KCNA2: variants seen among roughly 807,000 people sequenced by gnomAD.
KCNA2 encodes potassium voltage-gated channel subfamily A member 2.
KCNA2 carries 11 observed loss-of-function variants against 33.4 expected under a neutral mutation model. The ratio of observed to expected loss-of-function variants is 0.33; its 90% CI spans 0.21 to 0.55. The LOEUF is 0.55. Ranked by LOEUF, KCNA2 falls within the 20% of genes least tolerant of loss-of-function variation. The pLI is 0.93. For synonymous variants in KCNA2, 222 were observed against 231.3 expected (o/e 0.96, Z 0.37); for missense variants, 291 against 621.6 (o/e 0.47, Z 5.66).
chr1:110,614,693 T>C (rs938519522), intron 1 of KCNA2, among the ~76,000 whole-genome samples: 6 of 152,232 alleles, frequency 3.9e-5, no homozygotes, highest in African/African-American at 1.4e-4. Context: ...CAACTTTACC[T>C]GGCTGAGGAA....
Position 110,598,266 on chromosome 1 carries a change from G to T in KCNA2, c.*5017C>A. ...CAATGGGCCCCAGGAAAGCTCTGGG[G>T]AGCAGAGCTCAGCACCATCATCCCC... On this transcript the variant is annotated 3_prime_UTR_variant, in exon 3 of 3. Coordinates refer to ENST00000316361, the MANE Select transcript of KCNA2 (RefSeq NM_004974.4). 1 of 658,250 alleles carries T rather than the reference G, an allele frequency of 1.5e-6. No homozygotes were observed. The highest frequency in any genetic ancestry group is 1.9e-6 in the Non-Finnish European group (1 of 531,184). The allele number at this position is 658,250 out of a possible 1,614,324, so 40.8% of individuals were successfully genotyped here.
At chr1:110,614,907 A>C (rs952929975) in intron 1 of KCNA2, among the ~76,000 whole-genome samples, 2 of 152,174 alleles carry the variant, frequency 1.3e-5, no homozygotes, top group Admixed American at 1.3e-4. Context: ...ACCCCAACAC[A>C]TGTCACTGCC....
intron 1 of KCNA2, among the ~76,000 whole-genome samples, chr1:110,620,085 A>AGAGT (rs1366651891): frequency 7.1e-6 from 1 of 140,952 alleles, no homozygotes; most frequent in Non-Finnish European, 1.5e-5. Context: ...AGAGAGAGAG[A>AGAGT]GAGTGAGTGA....
chr1:110,624,997 ACTTCTTCCTC>A (rs1464670034), intron 1 of KCNA2, among the ~76,000 whole-genome samples: 1 of 152,206 alleles, frequency 6.6e-6, no homozygotes, highest in Non-Finnish European at 1.5e-5. Flanking sequence ...CATCATCCTG[ACTTCTTCCTC>A]CTTCATTTTT....
rs1287101337 is a variant in KCNA2 at position 110,599,069 on chromosome 1, G to GTTGT, written c.*4210_*4213dup. ...TGGACCCATATGTCCACTCCCTACT[G>GTTGT]TTGTTACCTTTTCTGTAGAGACTGG... On this transcript the variant is annotated 3_prime_UTR_variant, in exon 3 of 3. Transcript: ENST00000316361. 1.0e-5 allele frequency: 10 copies of GTTGT among 985,302 alleles called. No individual in the cohort carries two copies. Among genetic ancestry groups the GTTGT allele is most frequent in the African/African-American group, 1.7e-5 (1 of 57,230 alleles). The allele number at this position is 985,302 out of a possible 1,614,324, so 61.0% of individuals were successfully genotyped here.
In KCNA2 at chr1:110,602,874, G is replaced by A. The variant is rs1649419764; in HGVS notation, c.*409C>T. The A allele has an allele frequency of 2.9e-6, 3 of 1,018,694 alleles. No individual in the cohort carries two copies. Among genetic ancestry groups the A allele is most frequent in the Non-Finnish European group, 2.3e-6 (2 of 852,164 alleles). 63.1% of individuals were successfully genotyped at this position (1,018,694 alleles called of 1,614,324 possible). A position where few individuals can be genotyped will look rare whatever the true frequency, so the allele number is the denominator to read the frequency against. On this transcript the variant is annotated 3_prime_UTR_variant, in exon 3 of 3. Transcript: ENST00000316361. ...AGCTATTTAAAGCTAAGCCATGATTGTGTTCCTCTGTGAAAGGGCAGGTGG... is the reference window on the plus strand; with the variant it reads ...AGCTATTTAAAGCTAAGCCATGATTATGTTCCTCTGTGAAAGGGCAGGTGG...
rs983992289 is a variant in KCNA2 at position 110,594,933 on chromosome 1, T to A, written c.*8350A>T. ...ACATGGAAATTGTTTGGTAGCAAAG[T>A]GCGCCCCTGAATATTCTCTTCCTCC... On this transcript the variant is annotated 3_prime_UTR_variant, in exon 3 of 3. Transcript: ENST00000316361. 2.0e-6 allele frequency: 2 copies of A among 985,470 alleles called. No individual in the cohort carries two copies. The highest frequency in any genetic ancestry group is 2.4e-6 in the Non-Finnish European group (2 of 829,956). The allele number at this position is 985,470 out of a possible 1,614,324, so 61.0% of individuals were successfully genotyped here. A position where few individuals can be genotyped will look rare whatever the true frequency, so the allele number is the denominator to read the frequency against.
intron 1 of KCNA2, among the ~76,000 whole-genome samples, chr1:110,622,767 A>G (rs569556693): frequency 6.6e-6 from 1 of 152,332 alleles, no homozygotes; most frequent in African/African-American, 2.4e-5. Context: ...TTAGGGACAA[A>G]TCTGAGAAAG....
At position 110,599,609 on chromosome 1, in the gene KCNA2, G is replaced by C. The variant is rs1205018014; in HGVS notation, c.*3674C>G. ...ATTTTAAGAGACAGGTCTCTATAGG[G>C]TCTCAACTTCCTGACCGTGCCCCCA... On this transcript the variant is annotated 3_prime_UTR_variant, in exon 3 of 3. Transcript: ENST00000316361. The C allele has an allele frequency of 1.0e-6, 1 of 985,330 alleles. No homozygotes were observed. Among genetic ancestry groups the C allele is most frequent in the Non-Finnish European group, 1.2e-6 (1 of 829,952 alleles). 61.0% of individuals were successfully genotyped at this position (985,330 alleles called of 1,614,324 possible). A position where few individuals can be genotyped will look rare whatever the true frequency, so the allele number is the denominator to read the frequency against.
chr1:110,625,917 G>T (rs1010950118), intron 1 of KCNA2, among the ~76,000 whole-genome samples: 4 of 152,062 alleles, frequency 2.6e-5, no homozygotes, highest in Non-Finnish European at 5.9e-5. Flanking sequence ...TTGACCTATT[G>T]ATTTGGCAAA....
chr1:110,617,335 T>C (rs1650099116), intron 1 of KCNA2, among the ~76,000 whole-genome samples: 1 of 151,972 alleles, frequency 6.6e-6, no homozygotes, highest in South Asian at 2.1e-4. Context: ...CCAGATGGAG[T>C]GCCAGGAGCG....
intron 1 of KCNA2, among the ~76,000 whole-genome samples, chr1:110,623,636 C>G (rs1445439323): frequency 6.6e-6 from 1 of 152,192 alleles, no homozygotes; most frequent in Non-Finnish European, 1.5e-5. Context: ...CTCAAGCAAT[C>G]CTCCCGCTTT....
Position 110,598,095 on chromosome 1 carries a change from T to A in KCNA2, c.*5188A>T. 1 of 983,002 alleles carries A rather than the reference T, an allele frequency of 1.0e-6. No individual in the cohort carries two copies. The highest frequency in any genetic ancestry group is 1.7e-5 in the African/African-American group (1 of 57,328). 60.9% of individuals were successfully genotyped at this position (983,002 alleles called of 1,614,324 possible). A position where few individuals can be genotyped will look rare whatever the true frequency, so the allele number is the denominator to read the frequency against. ...GCGTTGGCTCAGGTGACTGATGATG[T>A]TAATGAGGTTAAGGTCATGAGTTCA... On this transcript the variant is annotated 3_prime_UTR_variant, in exon 3 of 3. Coordinates refer to ENST00000316361, the MANE Select transcript of KCNA2 (RefSeq NM_004974.4).
At chr1:110,616,418 C>A (rs1015917310) in intron 1 of KCNA2, among the ~76,000 whole-genome samples, 1 of 152,168 alleles carries the variant, frequency 6.6e-6, no homozygotes, top group Non-Finnish European at 1.5e-5. Flanking sequence ...TAGGGGGCTG[C>A]GCATCACTTC....
intron 1 of KCNA2, among the ~76,000 whole-genome samples, chr1:110,618,911 C>G (rs188695177): frequency 6.6e-6 from 1 of 152,214 alleles, no homozygotes; most frequent in African/African-American, 2.4e-5. Flanking sequence ...CTCACCTGGG[C>G]TCCTCACAGG....
upstream of KCNA2, among the ~76,000 whole-genome samples, chr1:110,608,411 A>C (rs1649753274): frequency 1.3e-5 from 2 of 152,106 alleles, no homozygotes; most frequent in Non-Finnish European, 2.9e-5. Context: ...CTGGATTCAG[A>C]TGGGCTCTAG....
Position 110,593,682 on chromosome 1 carries a change from C to T in KCNA2, c.*9601G>A. The T allele has an allele frequency of 2.5e-6, 1 of 407,154 alleles. No individual in the cohort carries two copies. The highest frequency in any genetic ancestry group is 2.0e-5 in the African/African-American group (1 of 48,808). The allele number at this position is 407,154 out of a possible 1,614,324, so 25.2% of individuals were successfully genotyped here. A position where few individuals can be genotyped will look rare whatever the true frequency, so the allele number is the denominator to read the frequency against. On this transcript the variant is annotated 3_prime_UTR_variant, in exon 3 of 3. Transcript: ENST00000316361. ...ACTTATTTACTTGTGTCAATATTTA[C>T]AAAAGACTGTGGAGCTCTATGAAGT...
upstream of KCNA2, chr1:110,606,669 C>A (rs884482): frequency 6.6e-6 from 1 of 152,160 alleles, no homozygotes; most frequent in Non-Finnish European, 1.5e-5. Context: ...AAGCCCCCGG[C>A]GTCCAGCCGA....
In KCNA2 at chr1:110,599,332, T is replaced by C. The variant is rs957502966; in HGVS notation, c.*3951A>G. 9.1e-6 allele frequency: 9 copies of C among 984,556 alleles called. No individual in the cohort carries two copies. The highest frequency in any genetic ancestry group is 9.4e-5 in the South Asian group (2 of 21,248). 61.0% of individuals were successfully genotyped at this position (984,556 alleles called of 1,614,324 possible). On this transcript the variant is annotated 3_prime_UTR_variant, in exon 3 of 3. Transcript: ENST00000316361. ...AGTATTTAAATATGGCCTTAGAATA[T>C]AGGATAAAGTCAGGCCCTCTAAAAA...
Sources: gnomAD v4.1 joint callset for allele counts (sites outside exome capture counted in the v4.1 genomes callset) on GRCh38, gnomAD v4.1.1 for gene constraint, MANE v1.5 for transcripts, NCBI Gene and HGNC (gene_info 2026-07-23, HGNC 2026-07-21) for gene names.